The following XXYLT1 variants were observed in gnomAD, a reference collection of about 807,000 sequenced individuals.
XXYLT1 encodes the protein UDP-xylose:alpha-xyloside alpha-1,3-xylosyltransferase.
Under a neutral mutation model 28.9 loss-of-function variants are expected in XXYLT1, and 20 were observed. The ratio of observed to expected loss-of-function variants is 0.69; its 90% CI spans 0.49 to 1.00. The LOEUF is 1.00. Among genes scored for constraint, XXYLT1 ranks in the 50% least tolerant of loss-of-function variants. XXYLT1 has a pLI of 0.00. For synonymous variants in XXYLT1, 257 were observed against 253.8 expected (o/e 1.01, Z -0.12); for missense variants, 542 against 560.1 (o/e 0.97, Z 0.33).
At chr3:195,226,636 C>A in intron 2 of XXYLT1, 73 bp downstream of exon 2, 1 of 1,548,158 alleles carries the variant, frequency 6.5e-7, no homozygotes. Flanking sequence ...AGGGCCTGGG[C>A]AGTGTTGGAA....
At chr3:195,117,114 T>TACACACACACAC (rs10633458) in intron 3 of XXYLT1, among the ~76,000 whole-genome samples, 31,886 of 148,458 alleles carry the variant, frequency 0.21, 3,964 homozygotes, top group Admixed American at 0.28. Flanking sequence ...ATATAGTGTA[T>TACACACACACAC]ACACACACAC....
intron 3 of XXYLT1, among the ~76,000 whole-genome samples, chr3:195,145,395 T>C (rs1267904527): frequency 6.9e-6 from 1 of 144,462 alleles, no homozygotes; most frequent in Non-Finnish European, 1.5e-5. Flanking sequence ...CCTGCGAGCA[T>C]CTCTGTGAAG....
intron 3 of XXYLT1, among the ~76,000 whole-genome samples, chr3:195,109,856 CTG>C (rs1177336042): frequency 0.3 from 4,685 of 15,752 alleles, 1,435 homozygotes; most frequent in African/African-American, 0.54. Context: ...GTATGTGTGC[CTG>C]TGTGTGTGGT....
intron 1 of XXYLT1, among the ~76,000 whole-genome samples, chr3:195,239,791 T>C (rs1287283866): frequency 1.3e-5 from 2 of 152,210 alleles, no homozygotes; most frequent in African/African-American, 4.8e-5. Flanking sequence ...TAGGATGTGT[T>C]GGATACGGTT....
chr3:195,141,610 C>T (rs139468243), intron 3 of XXYLT1, among the ~76,000 whole-genome samples: 1 of 152,366 alleles, frequency 6.6e-6, no homozygotes, highest in East Asian at 1.9e-4. Flanking sequence ...AGGCCACACT[C>T]TTAACCGCCT....
rs971959595 is a variant in XXYLT1, at chr3:195,255,648, G to A, written c.504+14907C>T. 1.3e-5 allele frequency among the ~76,000 whole-genome samples: 2 copies of A among 152,116 alleles called. No homozygotes were observed. The highest frequency in any genetic ancestry group is 1.3e-4 in the Admixed American group (2 of 15,278). ...CAAGCACAGCGTAGAACTGGCTTCCGAACACAAGGGAAGGCAGGCAGGGAG... is the reference window on the plus strand; with the variant it reads ...CAAGCACAGCGTAGAACTGGCTTCCAAACACAAGGGAAGGCAGGCAGGGAG... On this transcript the variant is annotated intron_variant, in intron 1 of 3. Coordinates refer to ENST00000310380, the MANE Select transcript of XXYLT1 (RefSeq NM_152531.5). This position sits in a 1 kb window ranked among gnomAD's most constrained non-coding sequence, Gnocchi z 4.5.
At chr3:195,237,908 C>G (rs1724620971) in intron 1 of XXYLT1, among the ~76,000 whole-genome samples, 1 of 152,080 alleles carries the variant, frequency 6.6e-6, no homozygotes, top group Admixed American at 6.5e-5. Flanking sequence ...TTCTCATTCC[C>G]ACACCCCTCC....
In XXYLT1 at chr3:195,069,473, C is replaced by T. The variant is rs553596039; in HGVS notation, c.*242G>A. 4.7e-4 allele frequency: 250 copies of T among 537,324 alleles called. 3 individuals are homozygous for T. The South Asian group carries it at 4.8e-3, about 10-fold the overall frequency. The allele number at this position is 537,324 out of a possible 1,614,324, so 33.3% of individuals were successfully genotyped here. A position where few individuals can be genotyped will look rare whatever the true frequency, so the allele number is the denominator to read the frequency against. On this transcript the variant is annotated 3_prime_UTR_variant, in exon 4 of 4. Coordinates refer to ENST00000310380, the MANE Select transcript of XXYLT1 (RefSeq NM_152531.5). The stretch of plus-strand genomic sequence containing the variant: ...CTTGCTTCCCAGCCCACTGGACATG[C>T]GTGTCCTTTGTGTCGCCTGCTCCCT...
At chr3:195,192,166 G>A (rs1722447829) in intron 2 of XXYLT1, among the ~76,000 whole-genome samples, 1 of 152,190 alleles carries the variant, frequency 6.6e-6, no homozygotes, top group African/African-American at 2.4e-5. Flanking sequence ...GCTCATGCCT[G>A]TAATCTAGCA....
chr3:195,180,228 G>A lies in XXYLT1; in HGVS notation c.653-23647C>T, dbSNP rs937297479. 3.2e-5 allele frequency: 26 copies of A among 800,070 alleles called. No individual in the cohort carries two copies. Among genetic ancestry groups the A allele is most frequent in the African/African-American group, 3.7e-5 (2 of 53,424 alleles). 49.6% of individuals were successfully genotyped at this position (800,070 alleles called of 1,614,324 possible). A position where few individuals can be genotyped will look rare whatever the true frequency, so the allele number is the denominator to read the frequency against. ...CAGTCATTTCTAACGCCAGATCCCC[G>A]TCTCTGCACTGACACCGGGGGTGGT... On this transcript the variant is annotated intron_variant, in intron 2 of 3. Coordinates refer to ENST00000310380, the MANE Select transcript of XXYLT1 (RefSeq NM_152531.5). The surrounding 1 kb of genome is among the most constrained non-coding windows in gnomAD (Gnocchi z 5.8).
In XXYLT1 at chr3:195,226,936, C is replaced by CACAGAG. The variant is rs545756741; in HGVS notation, c.505-86_505-81dup. 67 of 1,537,006 alleles carry CACAGAG rather than the reference C, an allele frequency of 4.4e-5. No homozygotes were observed. In the African/African-American group the frequency reaches 8.0e-4, roughly 18 times the overall value. Reference sequence around the variant, plus strand: ...TCAACACCCAACAAGCACCTGGGCCCACAGAGGCAGAGGCAGACAGTGCCT... The same window carrying CACAGAG: ...TCAACACCCAACAAGCACCTGGGCCCACAGAGACAGAGGCAGAGGCAGACAGTGCCT... On this transcript the variant is annotated intron_variant, in intron 1 of 3. Transcript: ENST00000310380.
At chr3:195,127,522 T>A (rs564127379) in intron 3 of XXYLT1, among the ~76,000 whole-genome samples, 3 of 152,310 alleles carry the variant, frequency 2.0e-5, no homozygotes, top group Non-Finnish European at 4.4e-5. Flanking sequence ...ATGCCTGTAA[T>A]CCCAGCATTT....
At chr3:195,193,239 G>A (rs1472873601) in intron 2 of XXYLT1, among the ~76,000 whole-genome samples, 3 of 150,444 alleles carry the variant, frequency 2.0e-5, no homozygotes, top group African/African-American at 7.4e-5. Flanking sequence ...AGTGGGCGGA[G>A]GTCACACCAC....
chr3:195,168,161 G>A lies in XXYLT1; in HGVS notation c.653-11580C>T, dbSNP rs921526177. On this transcript the variant is annotated intron_variant, in intron 2 of 3. Transcript: ENST00000310380. The surrounding 1 kb of genome is among the most constrained non-coding windows in gnomAD (Gnocchi z 4.3). ...TGGCACTGCGTCCAACCATGGGCAAGCCATCCCCAGCTGTCGCAGACTGTA... is the reference window on the plus strand; with the variant it reads ...TGGCACTGCGTCCAACCATGGGCAAACCATCCCCAGCTGTCGCAGACTGTA... Among the ~76,000 whole-genome samples, 3 of 152,214 alleles carry A rather than the reference G, an allele frequency of 2.0e-5. No individual in the cohort carries two copies. Among genetic ancestry groups the A allele is most frequent in the African/African-American group, 4.8e-5 (2 of 41,454 alleles).
At chr3:195,100,100 C>T (rs1167464894) in intron 3 of XXYLT1, among the ~76,000 whole-genome samples, 1 of 152,162 alleles carries the variant, frequency 6.6e-6, no homozygotes, top group Non-Finnish European at 1.5e-5. Context: ...CCAGTCCCTG[C>T]ATAAAGCTGT....
intron 2 of XXYLT1, among the ~76,000 whole-genome samples, chr3:195,170,628 C>G (rs1331605655): frequency 6.6e-6 from 1 of 152,214 alleles, no homozygotes; most frequent in Non-Finnish European, 1.5e-5. Context: ...TCTCTTCTTG[C>G]CAAGTACATC....
intron 3 of XXYLT1, among the ~76,000 whole-genome samples, chr3:195,143,543 G>A (rs927256114): frequency 6.6e-6 from 1 of 151,886 alleles, no homozygotes; most frequent in Non-Finnish European, 1.5e-5. Context: ...AGAAACACTA[G>A]CCAGGAGCCA....
chr3:195,220,538 C>A (rs934478141), intron 2 of XXYLT1, among the ~76,000 whole-genome samples: 1 of 152,196 alleles, frequency 6.6e-6, no homozygotes, highest in Non-Finnish European at 1.5e-5. Context: ...GTGTTGCAAT[C>A]TGCACTCAGC....
At chr3:195,174,913 C>T (rs1314364148) in intron 2 of XXYLT1, among the ~76,000 whole-genome samples, 1 of 152,072 alleles carries the variant, frequency 6.6e-6, no homozygotes, top group Admixed American at 6.5e-5. Context: ...CGTGCCCAGC[C>T]ACAGTTGTAC....
Sources: gnomAD v4.1 joint callset for allele counts (sites outside exome capture counted in the v4.1 genomes callset) on GRCh38, gnomAD v4.1.1 for gene constraint, Gnocchi (gnomAD v3.1) non-coding constraint, MANE v1.5 for transcripts, NCBI Gene and HGNC (gene_info 2026-07-23, HGNC 2026-07-21) for gene names.